Variants in RHBDD1 observed in about 807,000 individuals in gnomAD.
The protein encoded by RHBDD1 is rhomboid domain containing 1, also known as rhomboid-related protein 4.
RHBDD1 carries 38 observed loss-of-function variants against 36.3 expected under a neutral mutation model. The ratio of observed to expected loss-of-function variants is 1.05; its 90% CI spans 0.81 to 1.37. The LOEUF (loss-of-function observed/expected upper bound fraction) is 1.37, where lower values mean the gene tolerates loss of function less well. Among genes scored for constraint, RHBDD1 ranks in the 40% most tolerant of loss-of-function variants. The pLI, the probability that RHBDD1 is intolerant of heterozygous loss-of-function variation, is 0.00. For missense variants in RHBDD1, 393 were observed against 377.6 expected (o/e 1.04, Z -0.34); for synonymous variants, 151 against 136.5 (o/e 1.11, Z -0.74).
chr2:226,884,283 A>G (rs569551186), intron 5 of RHBDD1, among the ~76,000 whole-genome samples: 2 of 152,116 alleles, frequency 1.3e-5, no homozygotes, highest in Non-Finnish European at 2.9e-5. Flanking sequence ...ATTTACATTC[A>G]GGTTTGGTTC....
At chr2:226,901,413 T>C (rs1947582712) in intron 5 of RHBDD1, among the ~76,000 whole-genome samples, 1 of 152,238 alleles carries the variant, frequency 6.6e-6, no homozygotes, top group Non-Finnish European at 1.5e-5. Context: ...GTAGAATTGC[T>C]GGATCATATG....
chr2:226,859,650 A>G (rs1009157620), intron 3 of RHBDD1, among the ~76,000 whole-genome samples: 31 of 152,158 alleles, frequency 2.0e-4, no homozygotes, highest in African/African-American at 6.3e-4. Flanking sequence ...GGCCATTTAT[A>G]CTATAATCCT....
chr2:226,822,712 C>A, the RHBDD1 span, among the ~76,000 whole-genome samples: 9 of 151,690 alleles, frequency 5.9e-5, no homozygotes, highest in East Asian at 1.7e-3. Flanking sequence ...TGTTTGTGTC[C>A]CTCCAAAATT....
intron 5 of RHBDD1, 184 bp from the exon 6 acceptor site, chr2:226,906,609 C>A: frequency 1.5e-6 from 2 of 1,333,964 alleles, no homozygotes; most frequent in Non-Finnish European, 2.0e-6. Context: ...ATTCATTGTA[C>A]TTTTTTTTAA....
chr2:226,957,904 G>A (rs1056919171), intron 8 of RHBDD1, among the ~76,000 whole-genome samples: 1 of 151,964 alleles, frequency 6.6e-6, no homozygotes. Flanking sequence ...TCTTAGGCTA[G>A]CAAGGATAAA....
rs554799336 is a variant in RHBDD1 at position 226,972,562 on chromosome 2, C to G, written c.857-22869C>G. On this transcript the variant is annotated intron_variant, in intron 8 of 8. Coordinates refer to ENST00000392062, the MANE Select transcript of RHBDD1 (RefSeq NM_001167608.3). Reference sequence around the variant, plus strand: ...CACCAGGGCAGACGTGGGCCACACTCAAAACCCTGCAGTGCTGCTTCATGG... The same window carrying G: ...CACCAGGGCAGACGTGGGCCACACTGAAAACCCTGCAGTGCTGCTTCATGG... Among the ~76,000 whole-genome samples the G allele has an allele frequency of 9.8e-5, 15 of 152,308 alleles. No individual in the cohort carries two copies. In the South Asian group the frequency reaches 2.7e-3, roughly 27 times the overall value.
rs536513598 is a variant in RHBDD1, at chr2:226,901,267, AC to A, written c.567-5525del. 5.1e-3 allele frequency among the ~76,000 whole-genome samples: 774 copies of A among 152,278 alleles called. 4 individuals are homozygous for A. The highest frequency in any genetic ancestry group is 8.4e-3 in the Non-Finnish European group (572 of 68,008). On this transcript the variant is annotated intron_variant, in intron 5 of 8. Coordinates refer to ENST00000392062, the MANE Select transcript of RHBDD1 (RefSeq NM_001167608.3). Reference sequence around the variant, plus strand: ...GTATGCGTGTGTGTGTATACATACCACATTTTCTTTATCGGTTGATGTACAC... The same window carrying A: ...GTATGCGTGTGTGTGTATACATACCAATTTTCTTTATCGGTTGATGTACAC...
intron 6 of RHBDD1, 151 bp downstream of exon 6, chr2:226,907,032 CA>C (rs1449778165): frequency 1.3e-6 from 1 of 772,962 alleles, no homozygotes; most frequent in South Asian, 1.5e-5. Context: ...GTAAAACAAC[CA>C]GTGCAGTTCC....
At chr2:226,953,284 T>C (rs908401776) in intron 8 of RHBDD1, among the ~76,000 whole-genome samples, 1 of 152,198 alleles carries the variant, frequency 6.6e-6, no homozygotes, top group Non-Finnish European at 1.5e-5. Flanking sequence ...TTAGAGACGA[T>C]TATAACCCAA....
chr2:226,964,194 T>A (rs1458794710), intron 8 of RHBDD1, among the ~76,000 whole-genome samples: 1 of 152,154 alleles, frequency 6.6e-6, no homozygotes, highest in African/African-American at 2.4e-5. Flanking sequence ...CCATTTACAT[T>A]CATATTGTCC....
chr2:226,831,290 C>T (rs185139227), upstream of RHBDD1, among the ~76,000 whole-genome samples: 389 of 152,264 alleles, frequency 2.6e-3, 1 homozygote, highest in African/African-American at 8.3e-3. Flanking sequence ...ATTAAATTTC[C>T]GTACTTGTTA....
At chr2:226,817,199 G>C in the RHBDD1 span, among the ~76,000 whole-genome samples, 1 of 152,198 alleles carries the variant, frequency 6.6e-6, no homozygotes, top group East Asian at 1.9e-4. Context: ...AGCAGGCAAG[G>C]TCAGAAGTTA....
the RHBDD1 span, among the ~76,000 whole-genome samples, chr2:226,819,035 C>T: frequency 2.5e-3 from 383 of 152,236 alleles, 1 homozygote; most frequent in African/African-American, 8.1e-3. Flanking sequence ...TTTGTCACCA[C>T]GATGCTTCAG....
At chr2:226,923,618 C>G (rs1301318705) in intron 8 of RHBDD1, among the ~76,000 whole-genome samples, 11 of 150,836 alleles carry the variant, frequency 7.3e-5, no homozygotes, top group Admixed American at 2.7e-4. Flanking sequence ...ACTTCTATCC[C>G]TCTCTCTCTC....
At chr2:226,912,158 C>T (rs1948565494) in intron 7 of RHBDD1, among the ~76,000 whole-genome samples, 1 of 152,146 alleles carries the variant, frequency 6.6e-6, no homozygotes, top group Non-Finnish European at 1.5e-5. Flanking sequence ...AGTGAGATAC[C>T]ACTTCATATG....
At chr2:226,834,823 C>T (rs1301794305), upstream of RHBDD1, among the ~76,000 whole-genome samples, 2 of 152,158 alleles carry the variant, frequency 1.3e-5, no homozygotes, top group Non-Finnish European at 2.9e-5. Context: ...GCTCTGTCGC[C>T]CAGGCTGGAG....
intron 8 of RHBDD1, among the ~76,000 whole-genome samples, chr2:226,976,703 C>A (rs563809483): frequency 9.0e-4 from 137 of 152,214 alleles, no homozygotes; most frequent in African/African-American, 3.1e-3. Flanking sequence ...GTTAGGAGTA[C>A]CTTAACGGGG....
At chr2:226,861,910 A>G (rs1943889655) in intron 3 of RHBDD1, among the ~76,000 whole-genome samples, 1 of 152,242 alleles carries the variant, frequency 6.6e-6, no homozygotes, top group Non-Finnish European at 1.5e-5. Context: ...TAAGAATGCT[A>G]CAGAGCTACA....
At chr2:226,871,361 TA>T (rs1329362570) in intron 5 of RHBDD1, among the ~76,000 whole-genome samples, 1 of 152,156 alleles carries the variant, frequency 6.6e-6, no homozygotes, top group African/African-American at 2.4e-5. Context: ...AACAGAAAAA[TA>T]TAATTTTACA....
Sources: allele counts gnomAD v4.1 joint callset (sites outside exome capture counted in the v4.1 genomes callset), GRCh38; gene constraint gnomAD v4.1.1; transcripts MANE v1.5; gene names NCBI Gene and HGNC (gene_info 2026-07-23, HGNC 2026-07-21).